ANKS1A: variants seen among roughly 807,000 people sequenced by gnomAD.
ANKS1A encodes the protein ankyrin repeat and SAM domain-containing protein 1A.
A neutral mutation model predicts 120.3 loss-of-function variants in ANKS1A; 55 were observed. The observed-to-expected ratio is 0.46, with a 90% CI of 0.37 to 0.57. ANKS1A has a LOEUF of 0.57. Ranked by LOEUF, ANKS1A falls within the 20% of genes least tolerant of loss-of-function variation. The pLI, the probability that ANKS1A is intolerant of heterozygous loss-of-function variation, is 0.00. For synonymous variants in ANKS1A, 590 were observed against 604.7 expected (o/e 0.98, Z 0.36); for missense variants, 1,123 against 1,480.3 (o/e 0.76, Z 3.96).
At position 34,889,520 on chromosome 6, in the gene ANKS1A, T is replaced by C. The variant is rs1323312881; in HGVS notation, c.118T>C (p.Ser40Pro). The change falls in exon 1 of 24, where the codon TCT becomes CCT. Residue 40 changes from serine to proline, a missense_variant. This residue lies in a region of ANKS1A where 73 missense variants were observed against 82.2 expected (regional missense o/e 0.89). Transcript: ENST00000360359. This position sits in a 1 kb window ranked among gnomAD's most constrained non-coding sequence, Gnocchi z 5.5. ...SGFGGGGGGG[S>P]GGGGGGSGGG... ...CTTTGGGGGCGGCGGCGGCGGTGGC[T>C]CTGGGGGCGGCGGCGGCGGCAGCGG... The C allele has an allele frequency of 7.9e-7, 1 of 1,266,868 alleles. No homozygotes were observed. The highest frequency in any genetic ancestry group is 9.8e-7 in the Non-Finnish European group (1 of 1,017,814). 78.5% of individuals were successfully genotyped at this position (1,266,868 alleles called of 1,614,324 possible). A position where few individuals can be genotyped will look rare whatever the true frequency, so the allele number is the denominator to read the frequency against.
At chr6:34,935,301 G>A (rs749420362) in intron 1 of ANKS1A, among the ~76,000 whole-genome samples, 7 of 152,064 alleles carry the variant, frequency 4.6e-5, no homozygotes, top group African/African-American at 4.8e-5. Context: ...TTCCCAGGCT[G>A]GTCTCAAACT....
At position 34,983,169 on chromosome 6, in the gene ANKS1A, G is replaced by A. The variant is rs1321803941; in HGVS notation, c.865G>A (p.Glu289Lys). The change falls in exon 6 of 24, where the codon GAA becomes AAA. Residue 289 changes from glutamate (E) to lysine (K), a missense_variant. By Grantham distance (56) the Glu-to-Lys change is moderately conservative. Around this residue, in one of 3 missense-constraint regions of ANKS1A, gnomAD observed 904 missense variants for 1,130.4 expected, o/e 0.80. Transcript: ENST00000360359. ...ACTGACTGCCCTAGACACTGTTCGG[G>A]AACTGCCTTCTCAAAAGAGCCAGCA... ...HGLTALDTVR[E>K]LPSQKSQQIA... The A allele has an allele frequency of 2.5e-6, 4 of 1,614,006 alleles. No homozygotes were observed. Among genetic ancestry groups the A allele is most frequent in the Non-Finnish European group, 3.4e-6 (4 of 1,180,040 alleles).
intron 8 of ANKS1A, among the ~76,000 whole-genome samples, chr6:34,988,456 C>T (rs570314651): frequency 1.6e-3 from 236 of 152,194 alleles, no homozygotes; most frequent in African/African-American, 5.4e-3. Flanking sequence ...ATTAGCCAGG[C>T]GTGGTGGCGG....
chr6:34,982,843 C>T lies in ANKS1A; in HGVS notation c.808+16C>T, dbSNP rs373312692. The stretch of plus-strand genomic sequence containing the variant: ...CTGGCTGCAGGTGAGAGGTCGGCAG[C>T]GCTCTTGTCTACACAGCGTGCCAGG... On this transcript the variant is annotated intron_variant, in intron 5 of 23. Coordinates refer to ENST00000360359, the MANE Select transcript of ANKS1A (RefSeq NM_015245.3). This position sits in a 1 kb window ranked among gnomAD's most constrained non-coding sequence, Gnocchi z 4.9. The T allele has an allele frequency of 1.5e-5, 25 of 1,614,076 alleles. No individual in the cohort carries two copies. In the Middle Eastern group the frequency reaches 6.6e-4, roughly 43 times the overall value.
chr6:34,890,194 C>G (rs897395246), intron 1 of ANKS1A, among the ~76,000 whole-genome samples: 5 of 151,940 alleles, frequency 3.3e-5, no homozygotes, highest in African/African-American at 1.2e-4. Context: ...CGGGTTCAAG[C>G]GATTCTCCTG....
intron 9 of ANKS1A, among the ~76,000 whole-genome samples, chr6:34,991,779 C>T (rs1347673122): frequency 1.5e-5 from 2 of 137,782 alleles, no homozygotes; most frequent in African/African-American, 2.7e-5. Flanking sequence ...CATATATATA[C>T]ACACATATAT....
At chr6:35,075,048 AG>A (rs1436897192) in intron 13 of ANKS1A, among the ~76,000 whole-genome samples, 2 of 152,222 alleles carry the variant, frequency 1.3e-5, no homozygotes, top group Admixed American at 6.5e-5. Context: ...GACACCATAG[AG>A]GCCATTCCAG....
the ANKS1A span, among the ~76,000 whole-genome samples, chr6:35,097,637 G>GAAAAAAAAAAAAAAA: frequency 2.2e-5 from 2 of 89,766 alleles, no homozygotes; most frequent in Admixed American, 1.2e-4. Flanking sequence ...AAAGCCAAAA[G>GAAAAAAAAAAAAAAA]AAAAAAAAAA....
chr6:34,986,802 G>A (rs1023240555), intron 8 of ANKS1A, among the ~76,000 whole-genome samples: 1 of 152,270 alleles, frequency 6.6e-6, no homozygotes, highest in Non-Finnish European at 1.5e-5. Flanking sequence ...GCAAGTGCAT[G>A]TGCTGAGCAC....
chr6:35,034,696 T>C (rs1407925500), intron 11 of ANKS1A, among the ~76,000 whole-genome samples: 1 of 152,248 alleles, frequency 6.6e-6, no homozygotes, highest in Non-Finnish European at 1.5e-5. Flanking sequence ...TGTAATAAGG[T>C]AATTGTGTCT....
intron 9 of ANKS1A, among the ~76,000 whole-genome samples, chr6:34,990,125 G>T (rs958410302): frequency 1.3e-5 from 2 of 152,166 alleles, no homozygotes; most frequent in African/African-American, 4.8e-5. Flanking sequence ...GTCCCTAGAA[G>T]TTCGAGTTAT....
Position 34,982,948 on chromosome 6 carries a change from G to A in ANKS1A, c.808+121G>A. On this transcript the variant is annotated intron_variant, in intron 5 of 23. Transcript: ENST00000360359. This position sits in a 1 kb window ranked among gnomAD's most constrained non-coding sequence, Gnocchi z 4.9. Reference sequence around the variant, plus strand: ...ACTCAATGTATGTGTATCTCCACTGGTTGATTACAAGTGTGTAAACTGTTC... The same window carrying A: ...ACTCAATGTATGTGTATCTCCACTGATTGATTACAAGTGTGTAAACTGTTC... 1 of 1,321,078 alleles carries A rather than the reference G, an allele frequency of 7.6e-7. No homozygotes were observed. The highest frequency in any genetic ancestry group is 1.2e-5 in the South Asian group (1 of 82,876). 81.8% of individuals were successfully genotyped at this position (1,321,078 alleles called of 1,614,324 possible). A position where few individuals can be genotyped will look rare whatever the true frequency, so the allele number is the denominator to read the frequency against.
chr6:34,946,690 T>G (rs1769817117), intron 1 of ANKS1A, among the ~76,000 whole-genome samples: 1 of 152,198 alleles, frequency 6.6e-6, no homozygotes, highest in African/African-American at 2.4e-5. Context: ...CATGTTATAG[T>G]TTATAACCAT....
rs1480772396 is a variant in ANKS1A at position 35,035,094 on chromosome 6, G to A, written c.2010+17035G>A. 5.9e-5 allele frequency among the ~76,000 whole-genome samples: 9 copies of A among 152,342 alleles called. No homozygotes were observed. In the East Asian group the frequency reaches 1.5e-3, roughly 26 times the overall value. On this transcript the variant is annotated intron_variant, in intron 11 of 23. Transcript: ENST00000360359. ...TGGCCTCCCTGGAGCCCTCTTCTCAGCTGCACTGCCAGTGGCTGAGCAGGC... is the reference window on the plus strand; with the variant it reads ...TGGCCTCCCTGGAGCCCTCTTCTCAACTGCACTGCCAGTGGCTGAGCAGGC...
Position 34,994,364 on chromosome 6 carries a change from T to G in ANKS1A, c.1365T>G (p.Tyr455Ter). Residue 455 changes from tyrosine (Y) to a stop codon, truncating the protein, a stop_gained, in exon 10 of 24, where the codon TAT becomes TAG. Transcript: ENST00000360359. LOFTEE classifies it high-confidence loss of function. Reference sequence around the variant, plus strand: ...CCCGGGAAGAAGACGAACACCCTTATGAACTGTTGTTAACAGCAGAGACAA... The same window carrying G: ...CCCGGGAAGAAGACGAACACCCTTAGGAACTGTTGTTAACAGCAGAGACAA... The part of the protein sequence containing the change: ...SAAREEDEHP[Y>*]ELLLTAETKK... 1 of 1,613,774 alleles carries G rather than the reference T, an allele frequency of 6.2e-7. No homozygotes were observed. The highest frequency in any genetic ancestry group is 8.5e-7 in the Non-Finnish European group (1 of 1,179,728).
intron 1 of ANKS1A, among the ~76,000 whole-genome samples, chr6:34,906,929 G>A (rs1432295696): frequency 2.0e-5 from 3 of 152,152 alleles, no homozygotes; most frequent in African/African-American, 7.2e-5. Context: ...GGAAAATCTG[G>A]TAGCCACTGC....
Position 34,889,535 on chromosome 6 carries a change from GGCGGCA to G in ANKS1A, c.139_144del (p.Ser47_Gly48del). On this transcript the variant is annotated inframe_deletion, in exon 1 of 24. Coordinates refer to ENST00000360359, the MANE Select transcript of ANKS1A (RefSeq NM_015245.3). This position sits in a 1 kb window ranked among gnomAD's most constrained non-coding sequence, Gnocchi z 5.5. Reference sequence around the variant, plus strand: ...CGGCGGTGGCTCTGGGGGCGGCGGCGGCGGCAGCGGCGGCGGCGGCGGCGGCCTCGG... The same window carrying G: ...CGGCGGTGGCTCTGGGGGCGGCGGCGGCGGCGGCGGCGGCGGCGGCCTCGG... The G allele has an allele frequency of 6.3e-6, 8 of 1,269,338 alleles. No individual in the cohort carries two copies. Among genetic ancestry groups the G allele is most frequent in the South Asian group, 7.0e-5 (2 of 28,612 alleles). The allele number at this position is 1,269,338 out of a possible 1,614,324, so 78.6% of individuals were successfully genotyped here. A position where few individuals can be genotyped will look rare whatever the true frequency, so the allele number is the denominator to read the frequency against.
At chr6:34,936,910 C>A (rs2127479006) in intron 1 of ANKS1A, among the ~76,000 whole-genome samples, 1 of 152,268 alleles carries the variant, frequency 6.6e-6, no homozygotes, top group Middle Eastern at 3.4e-3. Context: ...AACATTTGAT[C>A]CGGTATCTAC....
intron 1 of ANKS1A, among the ~76,000 whole-genome samples, chr6:34,897,530 G>T (rs985616233): frequency 5.3e-5 from 8 of 152,168 alleles, no homozygotes; most frequent in Non-Finnish European, 1.2e-4. Flanking sequence ...GCTCTCCTGT[G>T]GGTAGGAACT....
Sources: gnomAD v4.1 joint callset for allele counts (sites outside exome capture counted in the v4.1 genomes callset) on GRCh38, gnomAD v4.1.1 for gene constraint, gnomAD v4.1.1 regional missense constraint, Gnocchi (gnomAD v3.1) non-coding constraint, MANE v1.5 for transcripts, NCBI Gene and HGNC (gene_info 2026-07-23, HGNC 2026-07-21) for gene names.